Variants in ARHGAP15 observed in about 807,000 individuals in gnomAD.
The protein encoded by ARHGAP15 is rho GTPase-activating protein 15.
ARHGAP15 carries 51 observed loss-of-function variants against 63.7 expected under a neutral mutation model. The ratio of observed to expected loss-of-function variants is 0.80; its 90% CI spans 0.64 to 1.01. The LOEUF (loss-of-function observed/expected upper bound fraction) is 1.01. Among genes scored for constraint, ARHGAP15 ranks in the 50% least tolerant of loss-of-function variants. The probability of loss-of-function intolerance (pLI) is 0.00; values close to 1 mark genes in which losing one functional copy is unlikely to be tolerated. For synonymous variants in ARHGAP15, 191 were observed against 193.8 expected (o/e 0.99, Z 0.12); for missense variants, 560 against 564.6 (o/e 0.99, Z 0.08).
At chr2:143,714,412 G>A (rs1437260002) in intron 13 of ARHGAP15, among the ~76,000 whole-genome samples, 2 of 152,344 alleles carry the variant, frequency 1.3e-5, no homozygotes, top group Middle Eastern at 3.4e-3. Flanking sequence ...GCCTGTGATG[G>A]GAGGGGCTGC....
At chr2:143,748,129 G>A (rs1455599559) in intron 13 of ARHGAP15, among the ~76,000 whole-genome samples, 1 of 152,314 alleles carries the variant, frequency 6.6e-6, no homozygotes, top group South Asian at 2.1e-4. Flanking sequence ...ACATCTACTA[G>A]AGGTCATGTC....
chr2:143,449,569 T>C (rs906703495), intron 8 of ARHGAP15, among the ~76,000 whole-genome samples: 5 of 152,066 alleles, frequency 3.3e-5, no homozygotes, highest in Non-Finnish European at 7.4e-5. Context: ...GTTTTACTCG[T>C]AGACTAAGTT....
chr2:143,305,386 T>C (rs1226981425), intron 6 of ARHGAP15: 2 of 151,990 alleles, frequency 1.3e-5, no homozygotes, highest in Non-Finnish European at 2.9e-5. Flanking sequence ...GACGAGTTGA[T>C]GGGTGCAGCA....
chr2:143,372,984 TA>T (rs34460482), intron 6 of ARHGAP15, among the ~76,000 whole-genome samples: 57,903 of 136,534 alleles, frequency 0.42, 11,959 homozygotes, highest in African/African-American at 0.51. Context: ...TCTCTCCTCT[TA>T]AAAAAAAAAA....
intron 1 of ARHGAP15, among the ~76,000 whole-genome samples, chr2:143,138,876 T>C (rs1005882959): frequency 7.9e-5 from 12 of 152,230 alleles, no homozygotes; most frequent in Admixed American, 7.9e-4. Flanking sequence ...TTTCGAAGTA[T>C]TGGGTTAAAT....
chr2:143,372,042 A>G (rs1005655062), intron 6 of ARHGAP15, among the ~76,000 whole-genome samples: 2 of 124,996 alleles, frequency 1.6e-5, no homozygotes, highest in African/African-American at 3.3e-5. Flanking sequence ...AAATAAATAA[A>G]TAAATAGGAC....
chr2:143,570,360 C>A (rs906095749), intron 11 of ARHGAP15, among the ~76,000 whole-genome samples: 1 of 152,176 alleles, frequency 6.6e-6, no homozygotes, highest in Non-Finnish European at 1.5e-5. Context: ...TTACAATAAC[C>A]TCATATTGTG....
intron 2 of ARHGAP15, among the ~76,000 whole-genome samples, chr2:143,159,610 G>T (rs1690213609): frequency 6.6e-6 from 1 of 151,932 alleles, no homozygotes; most frequent in African/African-American, 2.4e-5. Context: ...AAAATGTGCA[G>T]CCAACACAGA....
rs925784255 is a variant in ARHGAP15, at chr2:143,222,031, C to T, written c.296+5586C>T. Among the ~76,000 whole-genome samples the T allele has an allele frequency of 3.9e-5, 6 of 152,154 alleles. No homozygotes were observed. The South Asian group carries it at 1.0e-3, about 26-fold the overall frequency. On this transcript the variant is annotated intron_variant, in intron 4 of 13. Coordinates refer to ENST00000295095, the MANE Select transcript of ARHGAP15 (RefSeq NM_018460.4). ...TTCTTTAGTAGTTTCTGCTCAGTAT[C>T]GCAATAAATTCTTCCAGGCTGAATC... is the stretch of plus-strand genomic sequence containing the variant.
At chr2:143,606,433 A>G (rs1166571540) in intron 11 of ARHGAP15, among the ~76,000 whole-genome samples, 1 of 152,188 alleles carries the variant, frequency 6.6e-6, no homozygotes, top group Non-Finnish European at 1.5e-5. Context: ...TTATTGTTAT[A>G]TTTTGCTTCA....
intron 13 of ARHGAP15, among the ~76,000 whole-genome samples, chr2:143,729,941 T>C (rs911936518): frequency 3.8e-4 from 58 of 152,118 alleles, no homozygotes; most frequent in African/African-American, 1.3e-3. Flanking sequence ...CATAAATAAG[T>C]ATGTGTTCTA....
chr2:143,449,176 A>G (rs1466499436), intron 8 of ARHGAP15, among the ~76,000 whole-genome samples: 1 of 152,028 alleles, frequency 6.6e-6, no homozygotes, highest in East Asian at 1.9e-4. Flanking sequence ...GAACTCCCAC[A>G]TCAAAAAGTC....
At chr2:143,606,523 G>C (rs750024601) in intron 11 of ARHGAP15, among the ~76,000 whole-genome samples, 1 of 152,090 alleles carries the variant, frequency 6.6e-6, no homozygotes, top group East Asian at 1.9e-4. Flanking sequence ...TGATCTCTGC[G>C]TGCACTCAGC....
intron 6 of ARHGAP15, among the ~76,000 whole-genome samples, chr2:143,287,658 T>G (rs1682171630): frequency 6.6e-6 from 1 of 151,810 alleles, no homozygotes. Context: ...ATACAAAAAT[T>G]AGCTGGGCAT....
At chr2:143,690,349 T>C (rs1483954353) in intron 12 of ARHGAP15, among the ~76,000 whole-genome samples, 1 of 152,206 alleles carries the variant, frequency 6.6e-6, no homozygotes, top group Non-Finnish European at 1.5e-5. Context: ...CCAGATGCCA[T>C]TTAAAACCAA....
At position 143,159,448 on chromosome 2, in the gene ARHGAP15, T is replaced by A. The variant is rs78779510; in HGVS notation, c.165+3793T>A. Among the ~76,000 whole-genome samples, 27 of 151,994 alleles carry A rather than the reference T, an allele frequency of 1.8e-4. No homozygotes were observed. The East Asian group carries it at 5.3e-3, about 30-fold the overall frequency. On this transcript the variant is annotated intron_variant, in intron 2 of 13. Transcript: ENST00000295095. ...TGTTTACTTCAAATCAAGCTTATAG[T>A]TAGGTTTGAGGCTTTGTTTGTATAA...
chr2:143,390,648 C>G (rs1255537911), intron 6 of ARHGAP15, among the ~76,000 whole-genome samples: 1 of 151,954 alleles, frequency 6.6e-6, no homozygotes, highest in African/African-American at 2.4e-5. Context: ...CAACTCCCAG[C>G]CAAGTGTGCT....
intron 12 of ARHGAP15, among the ~76,000 whole-genome samples, chr2:143,692,936 C>T (rs1366758854): frequency 1.3e-5 from 2 of 152,102 alleles, no homozygotes; most frequent in African/African-American, 2.4e-5. Context: ...ATTTTTTTCC[C>T]CTTCAAGAAT....
At chr2:143,343,368 C>T (rs1408275800) in intron 6 of ARHGAP15, among the ~76,000 whole-genome samples, 27 of 151,782 alleles carry the variant, frequency 1.8e-4, no homozygotes, top group Admixed American at 1.8e-3. Flanking sequence ...GGGAATTTGG[C>T]AGGGGGTGGG....
Sources: gnomAD v4.1 joint callset for allele counts (sites outside exome capture counted in the v4.1 genomes callset) on GRCh38, gnomAD v4.1.1 for gene constraint, MANE v1.5 for transcripts, NCBI Gene and HGNC (gene_info 2026-07-23, HGNC 2026-07-21) for gene names.